The following NKAIN3 variants were observed in gnomAD, a reference collection of about 807,000 sequenced individuals.
NKAIN3 encodes the protein sodium/potassium transporting ATPase interacting 3, also known as sodium/potassium-transporting ATPase subunit beta-1-interacting protein 3.
NKAIN3 carries 25 observed loss-of-function variants against 30.2 expected under a neutral mutation model. The observed-to-expected ratio is 0.83, with a 90% CI of 0.60 to 1.16. The LOEUF is 1.16. NKAIN3 is among the 50% of genes most tolerant of loss of function. The pLI is 0.00. For synonymous variants in NKAIN3, 91 were observed against 89.6 expected, an observed-to-expected ratio of 1.02 and a Z score of -0.09; for missense variants, 225 against 254.1, an observed-to-expected ratio of 0.89 and a Z score of 0.78.
Position 62,953,902 on chromosome 8 carries a change from T to C in NKAIN3, c.533T>C (p.Phe178Ser). 1 of 961,646 alleles carries C rather than the reference T, an allele frequency of 1.0e-6. No homozygotes were observed. The highest frequency in any genetic ancestry group is 1.2e-6 in the Non-Finnish European group (1 of 807,840). 59.6% of individuals were successfully genotyped at this position (961,646 alleles called of 1,614,324 possible). A position where few individuals can be genotyped will look rare whatever the true frequency, so the allele number is the denominator to read the frequency against. The change falls in exon 6 of 7, where the codon TTT (phenylalanine) becomes TCT (serine). Residue 178 changes from phenylalanine (F) to serine (S), a missense_variant and splice_region_variant. Phe to Ser is a radical substitution (Grantham distance 155). Coordinates refer to ENST00000623646, the MANE Select transcript of NKAIN3 (RefSeq NM_001304533.3). ...CATATGGCCTATGTTATATTTTCAGTTGATTTCATAGGTGGACTTGATACA... is the reference window on the plus strand; with the variant it reads ...CATATGGCCTATGTTATATTTTCAGCTGATTTCATAGGTGGACTTGATACA... ...ISISMEEEDT[F>S]DFIGGLDTHS...
chr8:62,874,463 T>G (rs1046273619), intron 4 of NKAIN3, among the ~76,000 whole-genome samples: 1 of 152,196 alleles, frequency 6.6e-6, no homozygotes, highest in African/African-American at 2.4e-5. Context: ...CTAAATCATT[T>G]TATGAAGCCA....
At chr8:62,533,215 T>C (rs1808540927) in intron 1 of NKAIN3, among the ~76,000 whole-genome samples, 1 of 152,180 alleles carries the variant, frequency 6.6e-6, no homozygotes. Context: ...TCATTGAAAA[T>C]GTGCCTTTGA....
chr8:62,616,763 T>A (rs1162013821), intron 3 of NKAIN3, among the ~76,000 whole-genome samples: 2 of 152,164 alleles, frequency 1.3e-5, no homozygotes, highest in Non-Finnish European at 2.9e-5. Context: ...GGTTTCTTCC[T>A]TTAGCAACCA....
At chr8:62,644,334 C>T (rs1812394763) in intron 3 of NKAIN3, among the ~76,000 whole-genome samples, 1 of 152,034 alleles carries the variant, frequency 6.6e-6, no homozygotes, top group African/African-American at 2.4e-5. Context: ...CTTCAGTGTA[C>T]CATCTTTTCT....
chr8:62,785,019 G>A (rs539735678), intron 4 of NKAIN3, among the ~76,000 whole-genome samples: 5 of 152,246 alleles, frequency 3.3e-5, no homozygotes, highest in Admixed American at 1.3e-4. Context: ...TCGAAATGTA[G>A]GATGATGCAG....
At chr8:62,809,437 G>A (rs901343411) in intron 4 of NKAIN3, among the ~76,000 whole-genome samples, 4 of 152,102 alleles carry the variant, frequency 2.6e-5, no homozygotes, top group Non-Finnish European at 4.4e-5. Flanking sequence ...GTACTAATTT[G>A]GGGAACTAAT....
At chr8:62,766,626 A>T (rs1219846109) in intron 4 of NKAIN3, among the ~76,000 whole-genome samples, 2 of 152,152 alleles carry the variant, frequency 1.3e-5, no homozygotes, top group Non-Finnish European at 2.9e-5. Flanking sequence ...GTGAGAAAGG[A>T]AGGAGAAAAC....
At chr8:62,261,321 C>G (rs1178714049) in intron 1 of NKAIN3, among the ~76,000 whole-genome samples, 1 of 152,114 alleles carries the variant, frequency 6.6e-6, no homozygotes, top group Non-Finnish European at 1.5e-5. Flanking sequence ...TTGGATCTCC[C>G]TAAAGTGTTC....
Position 62,285,124 on chromosome 8 carries a change from C to T in NKAIN3, c.54+35997C>T, listed in dbSNP as rs527832348. 1.2e-4 allele frequency among the ~76,000 whole-genome samples: 19 copies of T among 152,208 alleles called. No homozygotes were observed. The East Asian group carries it at 3.3e-3, about 26-fold the overall frequency. On this transcript the variant is annotated intron_variant, in intron 1 of 6. Transcript: ENST00000623646. ...ATAAAACCAATCCTTTAATCTTACT[C>T]CTGGTGTATCCCACGCTTCGCAGAT... is the stretch of plus-strand genomic sequence containing the variant.
At chr8:62,426,836 G>A (rs1055404996) in intron 1 of NKAIN3, among the ~76,000 whole-genome samples, 1 of 151,948 alleles carries the variant, frequency 6.6e-6, no homozygotes, top group African/African-American at 2.4e-5. Flanking sequence ...TCCATGTCAA[G>A]TTGTTATCTC....
Position 62,281,101 on chromosome 8 carries a change from G to C in NKAIN3, c.54+31974G>C, listed in dbSNP as rs542173593. 1.5e-3 allele frequency among the ~76,000 whole-genome samples: 235 copies of C among 152,130 alleles called. 1 individual carries two copies. Among genetic ancestry groups the C allele is most frequent in the African/African-American group, 5.4e-3 (225 of 41,440 alleles). On this transcript the variant is annotated intron_variant, in intron 1 of 6. Transcript: ENST00000623646. ...TTCAACTTCTTCCTGGTTTAGTCTT[G>C]GGAGGGTGTATGTGCCCAGGAATTC...
chr8:62,283,858 T>TCAC (rs1350882502), intron 1 of NKAIN3, among the ~76,000 whole-genome samples: 1 of 152,134 alleles, frequency 6.6e-6, no homozygotes, highest in Non-Finnish European at 1.5e-5. Context: ...TCAAAAAATT[T>TCAC]ACAGTAAAAA....
chr8:62,732,290 GATA>G (rs1815495154), intron 3 of NKAIN3, among the ~76,000 whole-genome samples: 1 of 151,790 alleles, frequency 6.6e-6, no homozygotes, highest in Admixed American at 6.5e-5. Flanking sequence ...AAACTTTATT[GATA>G]ATGTTACATT....
chr8:62,264,376 C>T (rs1812543152), intron 1 of NKAIN3, among the ~76,000 whole-genome samples: 1 of 152,164 alleles, frequency 6.6e-6, no homozygotes. Flanking sequence ...TTCAGCTCTT[C>T]AGTTGGTATC....
Position 62,528,350 on chromosome 8 carries a change from T to TATAATATAATATATA in NKAIN3, c.55-51186_55-51185insATATAATATATAATA, listed in dbSNP as rs1563441580. Among the ~76,000 whole-genome samples the TATAATATAATATATA allele has an allele frequency of 5.9e-4, 81 of 137,400 alleles. 1 individual carries two copies. In the South Asian group the frequency reaches 0.015, roughly 25 times the overall value. The allele number at this position is 137,400 out of a possible 152,430, so 90.1% of individuals were successfully genotyped here. A position where few individuals can be genotyped will look rare whatever the true frequency, so the allele number is the denominator to read the frequency against. On this transcript the variant is annotated intron_variant, in intron 1 of 6. Transcript: ENST00000623646. ...ATATATATATTATATAATATATATA[T>TATAATATAATATATA]ATATGACTTTTGTTGTAGAATAAAT...
chr8:62,488,460 C>T (rs1806969498), intron 1 of NKAIN3, among the ~76,000 whole-genome samples: 1 of 152,190 alleles, frequency 6.6e-6, no homozygotes, highest in Non-Finnish European at 1.5e-5. Flanking sequence ...AGGCAGCAAG[C>T]TCTTTGACAG....
intron 3 of NKAIN3, among the ~76,000 whole-genome samples, chr8:62,614,259 G>A (rs1811380347): frequency 6.6e-6 from 1 of 152,172 alleles, no homozygotes; most frequent in African/African-American, 2.4e-5. Context: ...CAGACTCATA[G>A]GAATACTGCC....
chr8:62,683,950 G>A (rs10094032), intron 3 of NKAIN3, among the ~76,000 whole-genome samples: 2,896 of 152,240 alleles, frequency 0.019, 87 homozygotes, highest in African/African-American at 0.065. Context: ...AACTAGTCAA[G>A]GCTCATTCTT....
At chr8:62,987,241 A>G (rs951583120), downstream of NKAIN3, among the ~76,000 whole-genome samples, 3 of 152,006 alleles carry the variant, frequency 2.0e-5, no homozygotes, top group Non-Finnish European at 4.4e-5. Context: ...ACAAAAAAAA[A>G]CATCAACTGG....
Sources: gnomAD v4.1 joint callset for allele counts (sites outside exome capture counted in the v4.1 genomes callset) on GRCh38, gnomAD v4.1.1 for gene constraint, MANE v1.5 for transcripts, NCBI Gene and HGNC (gene_info 2026-07-23, HGNC 2026-07-21) for gene names.